Variants in CTNND2 observed in about 807,000 individuals in gnomAD.
CTNND2 encodes catenin delta 2.
A neutral mutation model predicts 144.4 loss-of-function variants in CTNND2; 22 were observed. The ratio of observed to expected loss-of-function variants is 0.15; its 90% CI spans 0.11 to 0.22. The LOEUF is 0.22. CTNND2 is among the 10% of genes least tolerant of loss of function. The pLI, the probability that CTNND2 is intolerant of heterozygous loss-of-function variation, is 1.00. For synonymous variants in CTNND2, 751 were observed against 695.6 expected, an observed-to-expected ratio of 1.08 and a Z score of -1.25; for missense variants, 1,353 against 1,618.8, an observed-to-expected ratio of 0.84 and a Z score of 2.82.
At chr5:11,565,981 T>C (rs1294834710) in intron 2 of CTNND2, among the ~76,000 whole-genome samples, 1 of 152,214 alleles carries the variant, frequency 6.6e-6, no homozygotes, top group Non-Finnish European at 1.5e-5. Context: ...GAAACAAGAA[T>C]GCTTTCTCAT....
intron 18 of CTNND2, among the ~76,000 whole-genome samples, chr5:11,006,609 A>G (rs1392872700): frequency 6.6e-6 from 1 of 152,226 alleles, no homozygotes; most frequent in Non-Finnish European, 1.5e-5. Context: ...CACACAGGCA[A>G]TGAGACTCGT....
rs1216196779 is a variant in CTNND2 at position 11,129,008 on chromosome 5, T to C, written c.2160-11441A>G. ...ATATATAATATATAATATATAAATA[T>C]ATATTATATATAAATAAAAAATATA... On this transcript the variant is annotated intron_variant, in intron 12 of 21. Coordinates refer to ENST00000304623, the MANE Select transcript of CTNND2 (RefSeq NM_001332.4). Among the ~76,000 whole-genome samples the C allele has an allele frequency of 1.9e-4, 9 of 47,456 alleles. 2 individuals are homozygous for C. The highest frequency in any genetic ancestry group is 3.9e-5 in the Non-Finnish European group (1 of 25,822). The allele number at this position is 47,456 out of a possible 152,430, so 31.1% of individuals were successfully genotyped here. A position where few individuals can be genotyped will look rare whatever the true frequency, so the allele number is the denominator to read the frequency against.
At chr5:11,452,985 T>A (rs757726459) in intron 3 of CTNND2, among the ~76,000 whole-genome samples, 25 of 152,202 alleles carry the variant, frequency 1.6e-4, no homozygotes, top group Non-Finnish European at 3.1e-4. Flanking sequence ...GAGTTCCTGT[T>A]GTGTTTGAAG....
chr5:11,716,249 T>C (rs902120586), intron 2 of CTNND2, among the ~76,000 whole-genome samples: 16 of 152,176 alleles, frequency 1.1e-4, no homozygotes, highest in Non-Finnish European at 2.4e-4. Flanking sequence ...TCTTGAAAAA[T>C]GTAAACCCAA....
At chr5:11,794,007 C>T (rs1034396574) in intron 1 of CTNND2, among the ~76,000 whole-genome samples, 4 of 152,292 alleles carry the variant, frequency 2.6e-5, no homozygotes, top group East Asian at 1.9e-4. Flanking sequence ...TGGTGTAAAG[C>T]GTGTTTTGTT....
At chr5:11,104,450 C>T (rs1752211975) in intron 14 of CTNND2, among the ~76,000 whole-genome samples, 1 of 152,112 alleles carries the variant, frequency 6.6e-6, no homozygotes, top group Non-Finnish European at 1.5e-5. Flanking sequence ...ACAATAAAAA[C>T]CCAAGTCCAT....
chr5:11,461,639 A>G (rs538718280), intron 3 of CTNND2, among the ~76,000 whole-genome samples: 1 of 152,298 alleles, frequency 6.6e-6, no homozygotes, highest in South Asian at 2.1e-4. Flanking sequence ...AGCTCGAATG[A>G]GCAAGAATCA....
At chr5:11,061,749 C>T (rs568266552) in intron 16 of CTNND2, among the ~76,000 whole-genome samples, 1 of 152,102 alleles carries the variant, frequency 6.6e-6, no homozygotes, top group Admixed American at 6.5e-5. Context: ...GTTCTTGTCA[C>T]CTAGGCTGGA....
At chr5:11,356,109 T>C (rs1641175276) in intron 8 of CTNND2, among the ~76,000 whole-genome samples, 1 of 152,102 alleles carries the variant, frequency 6.6e-6, no homozygotes, top group Admixed American at 6.5e-5. Flanking sequence ...ACTGTTAAAA[T>C]GGCCACACTA....
chr5:11,077,495 T>G (rs1270615131), intron 16 of CTNND2, among the ~76,000 whole-genome samples: 6 of 152,140 alleles, frequency 3.9e-5, no homozygotes, highest in Admixed American at 3.9e-4. Flanking sequence ...AATATAGGAA[T>G]CACAGTCAAC....
Position 11,110,930 on chromosome 5 carries a change from C to T in CTNND2, c.2391G>A (p.Glu797=), listed in dbSNP as rs1286036850. The change falls in exon 14 of 22, where the codon GAG becomes GAA. Residue 797 remains glutamate, a synonymous_variant. Coordinates refer to ENST00000304623, the MANE Select transcript of CTNND2 (RefSeq NM_001332.4). The stretch of plus-strand genomic sequence containing the variant: ...AGCTCTCAGCATCCTTGCCATTGGC[C>T]TCGCCACAGAGTAGCCCGTCCAGCT... ...TDELDGLLCG[E]ANGKDAESSG... is the part of the protein sequence containing the mutation. The T allele has an allele frequency of 1.9e-6, 3 of 1,614,152 alleles. No individual in the cohort carries two copies. The highest frequency in any genetic ancestry group is 2.5e-6 in the Non-Finnish European group (3 of 1,180,034).
chr5:11,223,698 G>A (rs907748183), intron 10 of CTNND2, among the ~76,000 whole-genome samples: 5 of 152,106 alleles, frequency 3.3e-5, no homozygotes, highest in African/African-American at 9.7e-5. Context: ...GAACTGTCAC[G>A]CTGACATCTG....
At chr5:11,861,702 T>C (rs141657333) in intron 1 of CTNND2, among the ~76,000 whole-genome samples, 35 of 152,316 alleles carry the variant, frequency 2.3e-4, no homozygotes, top group African/African-American at 8.4e-4. Flanking sequence ...AACTCTGCAG[T>C]GTGAAAGCCA....
chr5:11,162,086 G>A (rs557952456), intron 11 of CTNND2, among the ~76,000 whole-genome samples: 6 of 151,952 alleles, frequency 3.9e-5, no homozygotes, highest in Non-Finnish European at 8.8e-5. Flanking sequence ...GGAGTGGGGG[G>A]GGGTTGCAGT....
chr5:11,750,728 T>C (rs955676980), intron 1 of CTNND2, among the ~76,000 whole-genome samples: 2 of 151,812 alleles, frequency 1.3e-5, no homozygotes, highest in African/African-American at 4.8e-5. Context: ...ACAGTAATTT[T>C]TATTATATTT....
chr5:11,121,940 G>A (rs1309938196), intron 12 of CTNND2, among the ~76,000 whole-genome samples: 1 of 152,096 alleles, frequency 6.6e-6, no homozygotes, highest in Non-Finnish European at 1.5e-5. Context: ...TTTTGTATTG[G>A]TATTATTTAG....
intron 9 of CTNND2, among the ~76,000 whole-genome samples, chr5:11,313,858 G>C (rs890342975): frequency 6.6e-6 from 1 of 152,152 alleles, no homozygotes; most frequent in African/African-American, 2.4e-5. Context: ...AACGTTAAGG[G>C]GAAGCAGGAA....
chr5:11,713,829 T>C (rs75646126), intron 2 of CTNND2, among the ~76,000 whole-genome samples: 403 of 152,192 alleles, frequency 2.6e-3, no homozygotes, highest in Non-Finnish European at 4.9e-3. Context: ...CTAAAATAAA[T>C]GGTTTGAAAC....
chr5:11,701,625 T>C lies in CTNND2; in HGVS notation c.174+30511A>G, dbSNP rs1414215377. ...ACTTCATTTACTATAACCTAGTCTA[T>C]GTATTAAAACCCCAAAAGAACATAC... is the stretch of plus-strand genomic sequence containing the variant. On this transcript the variant is annotated intron_variant, in intron 2 of 21. Transcript: ENST00000304623. Among the ~76,000 whole-genome samples, 4 of 152,160 alleles carry C rather than the reference T, an allele frequency of 2.6e-5. No individual in the cohort carries two copies. The East Asian group carries it at 7.7e-4, about 29-fold the overall frequency.
Sources: allele counts gnomAD v4.1 joint callset (sites outside exome capture counted in the v4.1 genomes callset), GRCh38; gene constraint gnomAD v4.1.1; transcripts MANE v1.5; gene names NCBI Gene and HGNC (gene_info 2026-07-23, HGNC 2026-07-21).